RBFOX1: variants seen among roughly 807,000 people sequenced by gnomAD.
RBFOX1 encodes RNA binding protein fox-1 homolog 1.
Under a neutral mutation model 57.7 loss-of-function variants are expected in RBFOX1, and 8 were observed. That is an observed-to-expected ratio of 0.14 (90% CI 0.08 to 0.25). The LOEUF (loss-of-function observed/expected upper bound fraction) is 0.25. RBFOX1 is among the 10% of genes least tolerant of loss of function. The probability of loss-of-function intolerance (pLI) is 1.00; values close to 1 mark genes in which losing one functional copy is unlikely to be tolerated. For synonymous variants in RBFOX1, 326 were observed against 222.4 expected, an observed-to-expected ratio of 1.47 and a Z score of -4.15; for missense variants, 611 against 548.5, an observed-to-expected ratio of 1.11 and a Z score of -1.14.
chr16:7,405,800 C>T lies in RBFOX1; in HGVS notation c.28-112347C>T, dbSNP rs139236318. 5.9e-3 allele frequency among the ~76,000 whole-genome samples: 893 copies of T among 152,250 alleles called. 8 individuals are homozygous for T. The highest frequency in any genetic ancestry group is 0.014 in the South Asian group (69 of 4,824). ...GCCTGGTAAGTAAAGGTAGTTCCTTCTAACACCTGTTTCCTTTCCACTCTT... is the reference window on the plus strand; with the variant it reads ...GCCTGGTAAGTAAAGGTAGTTCCTTTTAACACCTGTTTCCTTTCCACTCTT... On this transcript the variant is annotated intron_variant, in intron 4 of 15. Coordinates refer to ENST00000550418, the MANE Select transcript of RBFOX1 (RefSeq NM_018723.4).
chr16:7,158,203 G>A (rs756970224), intron 4 of RBFOX1, among the ~76,000 whole-genome samples: 10 of 151,988 alleles, frequency 6.6e-5, no homozygotes, highest in East Asian at 3.9e-4. Flanking sequence ...AAAATTAGCC[G>A]AGCGTGCCGG....
intron 14 of RBFOX1, among the ~76,000 whole-genome samples, chr16:7,688,867 G>A (rs2076715912): frequency 6.6e-6 from 1 of 151,920 alleles, no homozygotes; most frequent in Non-Finnish European, 1.5e-5. Context: ...ATATTTCTTA[G>A]AGGAAATGAA....
intron 4 of RBFOX1, among the ~76,000 whole-genome samples, chr16:7,133,977 C>G (rs991615093): frequency 6.6e-6 from 1 of 152,170 alleles, no homozygotes; most frequent in African/African-American, 2.4e-5. Context: ...ACATTAGGCT[C>G]TGCGGCATTC....
Position 6,614,008 on chromosome 16 carries a change from C to T in RBFOX1, c.-63-40595C>T, listed in dbSNP as rs543345401. Among the ~76,000 whole-genome samples, 3 of 152,316 alleles carry T rather than the reference C, an allele frequency of 2.0e-5. No individual in the cohort carries two copies. In the South Asian group the frequency reaches 6.2e-4, roughly 32 times the overall value. On this transcript the variant is annotated intron_variant, in intron 2 of 15. Transcript: ENST00000550418. The stretch of plus-strand genomic sequence containing the variant: ...ATTTGGAAGCTTTATACAGCAATTA[C>T]TAACCAGAGTTTTTCTTTTGTAAGT...
chr16:7,000,228 T>C (rs1178327823), intron 3 of RBFOX1, among the ~76,000 whole-genome samples: 1 of 152,170 alleles, frequency 6.6e-6, no homozygotes, highest in Non-Finnish European at 1.5e-5. Flanking sequence ...AATCTGTTAA[T>C]ATAAGCAAGC....
At chr16:6,784,883 T>C (rs1041960896) in intron 3 of RBFOX1, among the ~76,000 whole-genome samples, 2 of 152,068 alleles carry the variant, frequency 1.3e-5, no homozygotes, top group African/African-American at 2.4e-5. Flanking sequence ...TAAGTGAAGG[T>C]CGGCTGGAGT....
At chr16:7,252,172 T>C (rs1024427374) in intron 4 of RBFOX1, among the ~76,000 whole-genome samples, 1 of 152,216 alleles carries the variant, frequency 6.6e-6, no homozygotes, top group Non-Finnish European at 1.5e-5. Flanking sequence ...ATTTCTTACA[T>C]CATCAAAAAG....
chr16:5,334,643 G>T (rs892113447), intron 1 of RBFOX1, among the ~76,000 whole-genome samples: 1 of 151,986 alleles, frequency 6.6e-6, no homozygotes, highest in African/African-American at 2.4e-5. Context: ...TTGACAAATT[G>T]AACTTTTAGG....
At chr16:5,803,872 G>A (rs1047873794) in intron 3 of RBFOX1, among the ~76,000 whole-genome samples, 10 of 152,146 alleles carry the variant, frequency 6.6e-5, no homozygotes, top group African/African-American at 2.2e-4. Flanking sequence ...CTGATAATGC[G>A]CACCAGTAAT....
At chr16:7,057,931 C>G (rs943926342) in intron 4 of RBFOX1, among the ~76,000 whole-genome samples, 2 of 146,400 alleles carry the variant, frequency 1.4e-5, no homozygotes, top group African/African-American at 5.0e-5. Flanking sequence ...TTGCTTGACC[C>G]CGGGAGGTGG....
At chr16:7,170,467 A>G (rs1478722) in intron 4 of RBFOX1, among the ~76,000 whole-genome samples, 28,987 of 151,818 alleles carry the variant, frequency 0.19, 4,148 homozygotes, top group East Asian at 0.39. Flanking sequence ...TCCAAGATAG[A>G]GTCTTGGCGT....
At chr16:7,704,403 C>T (rs187320081) in intron 14 of RBFOX1, among the ~76,000 whole-genome samples, 1 of 152,162 alleles carries the variant, frequency 6.6e-6, no homozygotes, top group East Asian at 1.9e-4. Flanking sequence ...TACACTATTT[C>T]TAGAGTCCCC....
intron 3 of RBFOX1, among the ~76,000 whole-genome samples, chr16:6,846,473 G>T (rs1455245557): frequency 6.6e-6 from 1 of 152,184 alleles, no homozygotes; most frequent in Non-Finnish European, 1.5e-5. Context: ...GGGTCATAAT[G>T]AGGGAGAGAA....
intron 1 of RBFOX1, among the ~76,000 whole-genome samples, chr16:6,302,974 GT>G (rs1192756012): frequency 6.6e-6 from 1 of 152,186 alleles, no homozygotes; most frequent in African/African-American, 2.4e-5. Flanking sequence ...CATATTTTAT[GT>G]GGGGGTGTCT....
chr16:7,604,920 A>G (rs576689152), intron 9 of RBFOX1, among the ~76,000 whole-genome samples: 73 of 152,308 alleles, frequency 4.8e-4, no homozygotes, highest in African/African-American at 1.7e-3. Flanking sequence ...TACCAATAAG[A>G]GGTAGGAGCA....
intron 3 of RBFOX1, among the ~76,000 whole-genome samples, chr16:5,764,288 A>T (rs1050153993): frequency 6.6e-6 from 1 of 152,218 alleles, no homozygotes; most frequent in Admixed American, 6.5e-5. Flanking sequence ...CTATAACGGC[A>T]TTCTGCCTCA....
intron 2 of RBFOX1, among the ~76,000 whole-genome samples, chr16:5,470,095 A>G (rs1179619187): frequency 6.6e-6 from 1 of 152,214 alleles, no homozygotes; most frequent in African/African-American, 2.4e-5. Flanking sequence ...ATCTTTTAAC[A>G]AAGGGAAACA....
At chr16:6,859,208 T>G (rs942437539) in intron 3 of RBFOX1, among the ~76,000 whole-genome samples, 13 of 135,856 alleles carry the variant, frequency 9.6e-5, no homozygotes, top group Non-Finnish European at 1.7e-4. Flanking sequence ...TATATATATA[T>G]ATACAAAAAT....
chr16:6,042,065 G>A (rs1048214261), intron 1 of RBFOX1, among the ~76,000 whole-genome samples: 2 of 150,966 alleles, frequency 1.3e-5, no homozygotes, highest in African/African-American at 4.9e-5. Flanking sequence ...GGCATTTCTG[G>A]TCATCTCCAC....
Sources: allele counts gnomAD v4.1 joint callset (sites outside exome capture counted in the v4.1 genomes callset), GRCh38; gene constraint gnomAD v4.1.1; transcripts MANE v1.5; gene names NCBI Gene and HGNC (gene_info 2026-07-23, HGNC 2026-07-21).